The following PTGER3 variants were observed in gnomAD, a reference collection of about 807,000 sequenced individuals.
The protein encoded by PTGER3 is prostaglandin E receptor 3.
In PTGER3, 22 loss-of-function variants were observed where a neutral mutation model predicts 34.7. That is an observed-to-expected ratio of 0.63 (90% CI 0.45 to 0.91). The LOEUF (loss-of-function observed/expected upper bound fraction) is 0.91. Ranked by LOEUF, PTGER3 falls within the 40% of genes least tolerant of loss-of-function variation. The probability of loss-of-function intolerance (pLI) is 0.00; values close to 1 mark genes in which losing one functional copy is unlikely to be tolerated. For missense variants in PTGER3, 468 were observed against 519.4 expected (o/e 0.90, Z 0.96); for synonymous variants, 241 against 230.1 (o/e 1.05, Z -0.43).
chr1:71,021,344 G>A lies in PTGER3; in HGVS notation c.898-8860C>T, dbSNP rs145029643. On this transcript the variant is annotated intron_variant, in intron 1 of 3. Coordinates refer to ENST00000306666, the MANE Select transcript of PTGER3 (RefSeq NM_198719.2). ...GACTTGGCTCAGAATAGCTCAAGACGTATGTCTAGATAAATGTTTATCTTT... is the reference window on the plus strand; with the variant it reads ...GACTTGGCTCAGAATAGCTCAAGACATATGTCTAGATAAATGTTTATCTTT... 6.4e-3 allele frequency among the ~76,000 whole-genome samples: 968 copies of A among 152,226 alleles called. 13 individuals carry two copies. The highest frequency in any genetic ancestry group is 0.022 in the African/African-American group (917 of 41,558).
At chr1:71,000,263 T>C (rs1656355556) in intron 2 of PTGER3, among the ~76,000 whole-genome samples, 1 of 152,324 alleles carries the variant, frequency 6.6e-6, no homozygotes, top group East Asian at 1.9e-4. Context: ...AACTGTTGTG[T>C]ATTTGGTCAA....
At chr1:71,023,102 A>C (rs1032902713) in intron 1 of PTGER3, among the ~76,000 whole-genome samples, 2 of 151,766 alleles carry the variant, frequency 1.3e-5, no homozygotes, top group Non-Finnish European at 2.9e-5. Context: ...CAAATTTCCC[A>C]AAAGAGGTGT....
At chr1:70,914,333 CAT>C (rs1478665953) in intron 4 of PTGER3, among the ~76,000 whole-genome samples, 2 of 151,796 alleles carry the variant, frequency 1.3e-5, no homozygotes, top group African/African-American at 2.4e-5. Context: ...ATTGAGATAA[CAT>C]GTGTAAATCA....
At chr1:70,888,833 G>C (rs72669136) in intron 4 of PTGER3, among the ~76,000 whole-genome samples, 141 of 152,192 alleles carry the variant, frequency 9.3e-4, no homozygotes, top group Non-Finnish European at 1.4e-3. Flanking sequence ...GTGCAAATTA[G>C]AAAAAGATGC....
In PTGER3 at chr1:71,046,681, C is replaced by A; in HGVS notation, c.897G>T (p.Leu299=). 1 of 1,551,740 alleles carries A rather than the reference C, an allele frequency of 6.4e-7. No individual in the cohort carries two copies. The highest frequency in any genetic ancestry group is 8.7e-7 in the Non-Finnish European group (1 of 1,149,768). ...TTCCCCCAACCCTGGAACTACCTAC[C>A]AGGAGCGGAGACCAGCAGACCGACA... ...CVLSVCWSPL[L]IMMLKMIFNQ... Residue 299 remains leucine, a splice_region_variant and synonymous_variant, in exon 1 of 4, where the codon CTG becomes CTT. Transcript: ENST00000306666.
At chr1:70,876,424 A>G (rs955348104) in intron 4 of PTGER3, among the ~76,000 whole-genome samples, 6 of 151,280 alleles carry the variant, frequency 4.0e-5, no homozygotes, top group Non-Finnish European at 5.9e-5. Context: ...TTTTGCTGTG[A>G]GAAACTATCA....
In PTGER3 at chr1:71,047,663, C is replaced by A. The variant is rs1018917472; in HGVS notation, c.-86G>T. 2 of 1,414,906 alleles carry A rather than the reference C, an allele frequency of 1.4e-6. No homozygotes were observed. Among genetic ancestry groups the A allele is most frequent in the East Asian group, 2.5e-5 (1 of 39,340 alleles). The allele number at this position is 1,414,906 out of a possible 1,614,324, so 87.6% of individuals were successfully genotyped here. On this transcript the variant is annotated 5_prime_UTR_variant, in exon 1 of 4. Coordinates refer to ENST00000306666, the MANE Select transcript of PTGER3 (RefSeq NM_198719.2). The stretch of plus-strand genomic sequence containing the variant: ...CGGCGCGGGCGGCGGCGGAGGTCGG[C>A]GTTTACCGCGGCTGGGGCTGGGCTG...
chr1:70,922,627 C>CA (rs1647644209), intron 4 of PTGER3, among the ~76,000 whole-genome samples: 2 of 151,020 alleles, frequency 1.3e-5, no homozygotes, highest in African/African-American at 4.9e-5. Flanking sequence ...AAGGCTTTCA[C>CA]CAAAAAAAAA....
At chr1:71,024,350 T>C (rs2100915194) in intron 1 of PTGER3, among the ~76,000 whole-genome samples, 2 of 152,316 alleles carry the variant, frequency 1.3e-5, no homozygotes, top group Non-Finnish European at 2.9e-5. Flanking sequence ...CAAGCCTTAA[T>C]ACAATCTTCA....
chr1:70,899,261 G>A (rs1332079519), intron 4 of PTGER3, among the ~76,000 whole-genome samples: 2 of 152,122 alleles, frequency 1.3e-5, no homozygotes, highest in Non-Finnish European at 2.9e-5. Context: ...GGGGAATAGA[G>A]ACAATTACAC....
intron 4 of PTGER3, chr1:70,862,418 G>A: frequency 7.5e-7 from 1 of 1,327,472 alleles, no homozygotes; most frequent in Non-Finnish European, 1.0e-6. Flanking sequence ...ATAGGCAATA[G>A]AAATATTGTG....
At chr1:70,887,486 A>G (rs979317293) in intron 4 of PTGER3, among the ~76,000 whole-genome samples, 1 of 152,140 alleles carries the variant, frequency 6.6e-6, no homozygotes, top group Non-Finnish European at 1.5e-5. Flanking sequence ...TTTTGGTGGA[A>G]TGAGGAAGGC....
At chr1:70,998,191 G>A (rs186982479) in intron 2 of PTGER3, 10 of 152,318 alleles carry the variant, frequency 6.6e-5, no homozygotes, top group Admixed American at 1.3e-4. Context: ...AATTTACAAA[G>A]ACAAATATTT....
intron 2 of PTGER3, chr1:71,011,013 C>T: frequency 2.0e-6 from 2 of 985,714 alleles, no homozygotes; most frequent in Non-Finnish European, 2.4e-6. Context: ...AATGGGTTTA[C>T]AAAATGAATG....
At chr1:70,947,711 A>T (rs1226032000), downstream of PTGER3, among the ~76,000 whole-genome samples, 2 of 152,146 alleles carry the variant, frequency 1.3e-5, no homozygotes, top group Non-Finnish European at 2.9e-5. Context: ...GTTTCAGGTT[A>T]CATTGCTGAG....
intron 4 of PTGER3, among the ~76,000 whole-genome samples, chr1:70,931,363 G>A (rs1316088187): frequency 6.6e-6 from 1 of 152,148 alleles, no homozygotes; most frequent in Non-Finnish European, 1.5e-5. Context: ...TACCATTCTG[G>A]GGTCTGGAGG....
At chr1:71,022,567 C>A (rs532488786) in intron 1 of PTGER3, among the ~76,000 whole-genome samples, 1 of 151,958 alleles carries the variant, frequency 6.6e-6, no homozygotes, top group Non-Finnish European at 1.5e-5. Context: ...ATTAAGACTT[C>A]ATCTCACAGG....
At chr1:71,044,794 G>T (rs2101008017) in intron 1 of PTGER3, among the ~76,000 whole-genome samples, 1 of 152,136 alleles carries the variant, frequency 6.6e-6, no homozygotes, top group East Asian at 1.9e-4. Context: ...TAACTGTATG[G>T]GTATTTTGTT....
intron 4 of PTGER3, among the ~76,000 whole-genome samples, chr1:70,894,255 G>A (rs1482821334): frequency 1.5e-5 from 2 of 136,090 alleles, no homozygotes; most frequent in African/African-American, 5.5e-5. Flanking sequence ...GTTGCAGTGA[G>A]CCGAGATCAT....
Sources: allele counts gnomAD v4.1 joint callset (sites outside exome capture counted in the v4.1 genomes callset), GRCh38; gene constraint gnomAD v4.1.1; transcripts MANE v1.5; gene names NCBI Gene and HGNC (gene_info 2026-07-23, HGNC 2026-07-21).